Variants in DPYD observed in about 807,000 individuals in gnomAD.
DPYD encodes dihydropyrimidine dehydrogenase.
In DPYD, 109 loss-of-function variants were observed where a neutral mutation model predicts 116.2. That is an observed-to-expected ratio of 0.94 (90% CI 0.80 to 1.10). DPYD has a LOEUF of 1.10. DPYD is among the 50% of genes least tolerant of loss of function. The pLI is 0.00. For missense variants in DPYD, 1,302 were observed against 1,254.5 expected, an observed-to-expected ratio of 1.04 and a Z score of -0.57; for synonymous variants, 440 against 432.0, an observed-to-expected ratio of 1.02 and a Z score of -0.23.
chr1:97,272,898 G>A (rs1664687006), intron 18 of DPYD, among the ~76,000 whole-genome samples: 1 of 152,030 alleles, frequency 6.6e-6, no homozygotes, highest in Non-Finnish European at 1.5e-5. Flanking sequence ...TTTATTTTCA[G>A]TTGTGCTAAA....
chr1:97,689,426 C>A (rs1660896953), intron 7 of DPYD, among the ~76,000 whole-genome samples: 1 of 151,754 alleles, frequency 6.6e-6, no homozygotes, highest in African/African-American at 2.4e-5. Context: ...TACTACTTGG[C>A]AAAAATAAGT....
At chr1:97,557,474 C>T (rs1651831617) in intron 11 of DPYD, among the ~76,000 whole-genome samples, 1 of 151,850 alleles carries the variant, frequency 6.6e-6, no homozygotes, top group Admixed American at 6.6e-5. Context: ...TGTCACCACG[C>T]ACAGCTAATT....
At chr1:97,569,661 A>G (rs376033108) in intron 11 of DPYD, among the ~76,000 whole-genome samples, 1 of 151,892 alleles carries the variant, frequency 6.6e-6, no homozygotes, top group East Asian at 1.9e-4. Flanking sequence ...GGAATAGAGG[A>G]GACTTTTTAA....
At chr1:97,736,405 CA>C (rs148803098) in intron 4 of DPYD, among the ~76,000 whole-genome samples, 24 of 143,406 alleles carry the variant, frequency 1.7e-4, no homozygotes, top group East Asian at 1.2e-3. Flanking sequence ...AGTCTGGCAA[CA>C]AAAAAAAAAC....
At chr1:97,616,287 T>A (rs891878350) in intron 8 of DPYD, among the ~76,000 whole-genome samples, 5 of 152,188 alleles carry the variant, frequency 3.3e-5, no homozygotes, top group African/African-American at 1.2e-4. Flanking sequence ...CATTTTTTAT[T>A]TATTGTCACA....
chr1:97,880,391 G>A (rs1017874141), intron 2 of DPYD, among the ~76,000 whole-genome samples: 1 of 151,786 alleles, frequency 6.6e-6, no homozygotes, highest in Admixed American at 6.6e-5. Flanking sequence ...CAAACCATAT[G>A]TTTTGGTGAC....
intron 19 of DPYD, among the ~76,000 whole-genome samples, chr1:97,194,765 A>AGT (rs1658630085): frequency 6.6e-6 from 1 of 152,154 alleles, no homozygotes; most frequent in Non-Finnish European, 1.5e-5. Context: ...AGCCTCCCAA[A>AGT]GTGCTGGGAT....
chr1:97,229,589 T>TAC (rs1661454307), intron 19 of DPYD, among the ~76,000 whole-genome samples: 1 of 136,398 alleles, frequency 7.3e-6, no homozygotes, highest in Non-Finnish European at 1.6e-5. Flanking sequence ...TATATATATA[T>TAC]ACTGATTTTA....
intron 20 of DPYD, among the ~76,000 whole-genome samples, chr1:97,129,606 C>G (rs1387324209): frequency 6.6e-6 from 1 of 152,096 alleles, no homozygotes; most frequent in African/African-American, 2.4e-5. Context: ...CGTGGCTCTT[C>G]CGCAGGTTTC....
chr1:97,317,011 A>G (rs1446359101), intron 16 of DPYD, among the ~76,000 whole-genome samples: 2 of 151,946 alleles, frequency 1.3e-5, no homozygotes, highest in African/African-American at 4.8e-5. Context: ...AAACTCTTCG[A>G]GAGCCATACA....
intron 3 of DPYD, among the ~76,000 whole-genome samples, chr1:97,760,367 C>T (rs1259294217): frequency 2.0e-5 from 3 of 152,094 alleles, no homozygotes; most frequent in African/African-American, 7.2e-5. Flanking sequence ...GTGGGTTTCA[C>T]ATCTGCAGAT....
intron 8 of DPYD, among the ~76,000 whole-genome samples, chr1:97,620,048 A>C (rs1423138495): frequency 6.6e-6 from 1 of 152,000 alleles, no homozygotes; most frequent in Non-Finnish European, 1.5e-5. Context: ...AAAAAAAAAA[A>C]AAACATAGGC....
At chr1:97,683,476 T>C (rs1460054282) in intron 7 of DPYD, among the ~76,000 whole-genome samples, 2 of 151,810 alleles carry the variant, frequency 1.3e-5, no homozygotes, top group Non-Finnish European at 2.9e-5. Flanking sequence ...GGTAATCAAT[T>C]AGAATTCTAT....
intron 1 of DPYD, among the ~76,000 whole-genome samples, chr1:97,916,223 T>C (rs533243408): frequency 6.6e-6 from 1 of 152,210 alleles, no homozygotes; most frequent in Non-Finnish European, 1.5e-5. Context: ...TTAGGGTACA[T>C]GTGTACAACG....
At chr1:97,521,216 C>T (rs1648635646) in intron 12 of DPYD, among the ~76,000 whole-genome samples, 1 of 152,212 alleles carries the variant, frequency 6.6e-6, no homozygotes, top group Non-Finnish European at 1.5e-5. Flanking sequence ...TTGCATTTCT[C>T]TAATGACCAG....
chr1:97,647,706 T>C (rs564099763), intron 8 of DPYD, among the ~76,000 whole-genome samples: 2 of 152,150 alleles, frequency 1.3e-5, no homozygotes, highest in African/African-American at 4.8e-5. Flanking sequence ...CATAGTATCT[T>C]TGTATAATTG....
intron 8 of DPYD, among the ~76,000 whole-genome samples, chr1:97,657,797 A>T (rs1659026654): frequency 6.6e-6 from 1 of 152,214 alleles, no homozygotes; most frequent in African/African-American, 2.4e-5. Flanking sequence ...TATTTATTAT[A>T]TAACTAGCAG....
chr1:97,917,871 G>C (rs1014470268), intron 1 of DPYD, among the ~76,000 whole-genome samples: 4 of 152,162 alleles, frequency 2.6e-5, no homozygotes, highest in Non-Finnish European at 4.4e-5. Context: ...GAACAAAAGA[G>C]TACTGTTTCA....
At chr1:97,471,594 C>T (rs1570788933) in intron 13 of DPYD, among the ~76,000 whole-genome samples, 1 of 142,580 alleles carries the variant, frequency 7.0e-6, no homozygotes. Flanking sequence ...TCCCACTTTC[C>T]TTTTTTTTTT....
Sources: gnomAD v4.1 joint callset for allele counts (sites outside exome capture counted in the v4.1 genomes callset) on GRCh38, gnomAD v4.1.1 for gene constraint, MANE v1.5 for transcripts, NCBI Gene and HGNC (gene_info 2026-07-23, HGNC 2026-07-21) for gene names.